The following ARPC3 variants were observed in gnomAD, a reference collection of about 807,000 sequenced individuals.
ARPC3 encodes actin-related protein 2/3 complex subunit 3.
Under a neutral mutation model 27.6 loss-of-function variants are expected in ARPC3, and 12 were observed. The ratio of observed to expected loss-of-function variants is 0.43; its 90% CI spans 0.28 to 0.70. The LOEUF (loss-of-function observed/expected upper bound fraction) is 0.70, where lower values mean the gene tolerates loss of function less well. Among genes scored for constraint, ARPC3 ranks in the 30% least tolerant of loss-of-function variants. The pLI is 0.17. For missense variants in ARPC3, 153 were observed against 207.7 expected, an observed-to-expected ratio of 0.74 and a Z score of 1.62; for synonymous variants, 53 against 67.2, an observed-to-expected ratio of 0.79 and a Z score of 1.03.
Position 110,450,292 on chromosome 12 carries a change from GC to G in ARPC3, c.-33del. ...GGCGCCCGGGTTTCAACCCAGAGGA[GC>G]AGGATCCAGGTACAGCGGAGCGCTT... On this transcript the variant is annotated 5_prime_UTR_variant, in exon 1 of 7. Coordinates refer to ENST00000228825, the MANE Select transcript of ARPC3 (RefSeq NM_001278556.2). 6.2e-7 allele frequency: 1 copy of G among 1,613,956 alleles called. No homozygotes were observed. The highest frequency in any genetic ancestry group is 8.5e-7 in the Non-Finnish European group (1 of 1,179,936).
At chr12:110,436,709 TATACACAC>T (rs71083123) in intron 4 of ARPC3, 26 bp from the exon 5 acceptor site, 314 of 546,056 alleles carry the variant, frequency 5.8e-4, no homozygotes, top group South Asian at 7.9e-4. Context: ...TATATATATA[TATACACAC>T]ACACACACAC....
intron 5 of ARPC3, 146 bp downstream of exon 5, chr12:110,436,411 G>T: frequency 7.1e-7 from 1 of 1,401,614 alleles, no homozygotes; most frequent in Non-Finnish European, 9.9e-7. Context: ...AGAATCGTTT[G>T]TGAGAGTGAC....
chr12:110,450,317 T>C lies in ARPC3; in HGVS notation c.-57A>G. On this transcript the variant is annotated 5_prime_UTR_variant, in exon 1 of 7. Transcript: ENST00000228825. The stretch of plus-strand genomic sequence containing the variant: ...GCAGGATCCAGGTACAGCGGAGCGC[T>C]TCCGGTCTGGCAGCCTGGGCGAGGT... The C allele has an allele frequency of 6.2e-7, 1 of 1,612,866 alleles. No individual in the cohort carries two copies. The highest frequency in any genetic ancestry group is 8.5e-7 in the Non-Finnish European group (1 of 1,179,386).
chr12:110,446,081 C>A (rs1592955155), intron 1 of ARPC3, among the ~76,000 whole-genome samples: 1 of 141,056 alleles, frequency 7.1e-6, no homozygotes. Flanking sequence ...CCAGCCTGGG[C>A]AACAGAGCAA....
chr12:110,444,288 T>A lies in ARPC3; in HGVS notation c.106+1164A>T, dbSNP rs548221784. Among the ~76,000 whole-genome samples, 285 of 107,372 alleles carry A rather than the reference T, an allele frequency of 2.7e-3. 1 individual carries two copies. The highest frequency in any genetic ancestry group is 9.5e-3 in the African/African-American group (215 of 22,628). 70.4% of individuals were successfully genotyped at this position (107,372 alleles called of 152,430 possible). On this transcript the variant is annotated intron_variant, in intron 2 of 6. Coordinates refer to ENST00000228825, the MANE Select transcript of ARPC3 (RefSeq NM_001278556.2). ...GCCTGGCCTTTGCAGTGAAAAAAAA[T>A]TTTTTTTTTTTTTTGAGATGAAGTC...
rs868681124 is a variant in ARPC3, at chr12:110,436,717, C to T, written c.253-34G>A. 324 of 691,136 alleles carry T rather than the reference C, an allele frequency of 4.7e-4. 1 individual carries two copies. The African/African-American group carries it at 5.4e-3, about 11-fold the overall frequency. The allele number at this position is 691,136 out of a possible 1,614,324, so 42.8% of individuals were successfully genotyped here. On this transcript the variant is annotated intron_variant, in intron 4 of 6. Transcript: ENST00000228825. Reference sequence around the variant, plus strand: ...AAAAATATATATATATATATACACACACACACACACACACACACACACACA... The same window carrying T: ...AAAAATATATATATATATATACACATACACACACACACACACACACACACA...
intron 3 of ARPC3, 134 bp from the exon 4 acceptor site, chr12:110,437,286 C>T: frequency 1.4e-6 from 1 of 697,398 alleles, no homozygotes; most frequent in Admixed American, 2.1e-5. Flanking sequence ...ATCAAAACTC[C>T]CATTCTCCAA....
chr12:110,436,703 T>TACACACACACAC lies in ARPC3; in HGVS notation c.253-21_253-20insGTGTGTGTGTGT. ...ATTGCACTGGAAAAAAAAATATATA[T>TACACACACACAC]ATATATATACACACACACACACACA... On this transcript the variant is annotated intron_variant, in intron 4 of 6. Transcript: ENST00000228825. The TACACACACACAC allele has an allele frequency of 3.5e-6, 3 of 850,436 alleles. No individual in the cohort carries two copies. The highest frequency in any genetic ancestry group is 2.8e-5 in the East Asian group (1 of 35,396). The allele number at this position is 850,436 out of a possible 1,614,324, so 52.7% of individuals were successfully genotyped here.
chr12:110,444,387 C>T (rs529605557), intron 2 of ARPC3, among the ~76,000 whole-genome samples: 5 of 151,900 alleles, frequency 3.3e-5, no homozygotes, highest in African/African-American at 7.2e-5. Flanking sequence ...TGTGTTCAAG[C>T]GATTCTCCTG....
At chr12:110,444,901 C>A (rs2062455834) in intron 2 of ARPC3, 1 of 162,270 alleles carries the variant, frequency 6.2e-6, no homozygotes. Context: ...GTTGGGAGAA[C>A]ATCTCAGAAA....
In ARPC3 at chr12:110,436,129, T is replaced by G; in HGVS notation, c.455A>C (p.Gln152Pro). The G allele has an allele frequency of 6.2e-7, 1 of 1,613,392 alleles. No homozygotes were observed. The highest frequency in any genetic ancestry group is 8.5e-7 in the Non-Finnish European group (1 of 1,179,550). Residue 152 changes from glutamine (Q) to proline (P), a missense_variant, in exon 6 of 7, where the codon CAG becomes CCG. Gln to Pro is a moderately conservative substitution (Grantham distance 76, BLOSUM62 -1). Coordinates refer to ENST00000228825, the MANE Select transcript of ARPC3 (RefSeq NM_001278556.2). ...TCTTACCTTGCTGGGTTTATCATTCTGAGGGTCGAAAACTTTCTCACAAAG... is the reference window on the plus strand; with the variant it reads ...TCTTACCTTGCTGGGTTTATCATTCGGAGGGTCGAAAACTTTCTCACAAAG... ...LRLCEKVFDP[Q>P]NDKPSKWWTC...
At chr12:110,437,648 A>C (rs2062413753) in intron 3 of ARPC3, among the ~76,000 whole-genome samples, 1 of 152,100 alleles carries the variant, frequency 6.6e-6, no homozygotes, top group East Asian at 1.9e-4. Flanking sequence ...GATTACAGGC[A>C]TGAGCCACCA....
rs781734942 is a variant in ARPC3 at position 110,436,548 on chromosome 12, T to A, written c.379+9A>T. 6.2e-7 allele frequency: 1 copy of A among 1,613,954 alleles called. No homozygotes were observed. Among genetic ancestry groups the A allele is most frequent in the Non-Finnish European group, 8.5e-7 (1 of 1,179,950 alleles). ...GTGTCACAGAGTGAGGATAGAGACCTGTTCTTACCATCTTCCTGTTTGTTT... is the reference window on the plus strand; with the variant it reads ...GTGTCACAGAGTGAGGATAGAGACCAGTTCTTACCATCTTCCTGTTTGTTT... On this transcript the variant is annotated intron_variant, in intron 5 of 6. Transcript: ENST00000228825.
rs774072771 is a variant in ARPC3 at position 110,436,670 on chromosome 12, C to T, written c.266G>A (p.Ser89Asn). The change falls in exon 5 of 7, where the codon AGC becomes AAC. Residue 89 changes from serine to asparagine, a missense_variant. Ser to Asn is a conservative substitution (Grantham distance 46). Coordinates refer to ENST00000228825, the MANE Select transcript of ARPC3 (RefSeq NM_001278556.2). ...LKKLQKCNSK[S>N]QGEKEMYTLG... ...CGTATACATTTCTTTCTCACCTTGG[C>T]TTTTGGAATTGCACTGGAAAAAAAA... The T allele has an allele frequency of 6.4e-6, 10 of 1,569,894 alleles. No individual in the cohort carries two copies. The highest frequency in any genetic ancestry group is 8.6e-6 in the Non-Finnish European group (10 of 1,157,556).
chr12:110,445,895 G>C (rs1010865969), intron 1 of ARPC3, among the ~76,000 whole-genome samples: 1 of 152,126 alleles, frequency 6.6e-6, no homozygotes, highest in Non-Finnish European at 1.5e-5. Context: ...CCTGAGCTCA[G>C]GAGTTTGCAA....
chr12:110,443,553 C>T (rs2062449477), intron 2 of ARPC3, among the ~76,000 whole-genome samples: 1 of 152,198 alleles, frequency 6.6e-6, no homozygotes, highest in Non-Finnish European at 1.5e-5. Context: ...CTGTCTCAGC[C>T]TCCCATGTAG....
chr12:110,440,845 CTTTG>C (rs2062432550), intron 2 of ARPC3, among the ~76,000 whole-genome samples: 2 of 123,958 alleles, frequency 1.6e-5, no homozygotes, highest in Non-Finnish European at 1.7e-5. Context: ...CGTGCCCAGC[CTTTG>C]TTTTTTTTTT....
intron 2 of ARPC3, among the ~76,000 whole-genome samples, chr12:110,441,077 T>A (rs565525643): frequency 1.6e-5 from 2 of 122,708 alleles, no homozygotes; most frequent in African/African-American, 6.1e-5. Context: ...TCTCCTGACC[T>A]CGTGATCCGC....
intron 3 of ARPC3, among the ~76,000 whole-genome samples, chr12:110,438,542 T>C (rs2062418073): frequency 6.6e-6 from 1 of 150,512 alleles, no homozygotes; most frequent in South Asian, 2.1e-4. Context: ...AGGGTTGCAC[T>C]GAGCCGAGAT....
Sources: gnomAD v4.1 joint callset for allele counts (sites outside exome capture counted in the v4.1 genomes callset) on GRCh38, gnomAD v4.1.1 for gene constraint, MANE v1.5 for transcripts, NCBI Gene and HGNC (gene_info 2026-07-23, HGNC 2026-07-21) for gene names.